Variants in ADAP1 observed in about 807,000 individuals in gnomAD.
ADAP1 encodes ArfGAP with dual PH domains 1.
A neutral mutation model predicts 54.9 loss-of-function variants in ADAP1; 31 were observed. The observed-to-expected ratio is 0.56, with a 90% CI of 0.42 to 0.76. The LOEUF is 0.76. ADAP1 is among the 30% of genes least tolerant of loss of function. The pLI, the probability that ADAP1 is intolerant of heterozygous loss-of-function variation, is 0.00. For synonymous variants in ADAP1, 313 were observed against 202.6 expected, an observed-to-expected ratio of 1.55 and a Z score of -4.63; for missense variants, 535 against 512.4, an observed-to-expected ratio of 1.04 and a Z score of -0.42.
At chr7:901,247 C>A in intron 6 of ADAP1, 1 of 353,840 alleles carries the variant, frequency 2.8e-6, no homozygotes, top group Non-Finnish European at 5.6e-6. Context: ...AGACTTCAGC[C>A]TGGCTGTCCC....
At chr7:924,558 A>C (rs1846318132) in intron 3 of ADAP1, among the ~76,000 whole-genome samples, 1 of 128,972 alleles carries the variant, frequency 7.8e-6, no homozygotes, top group South Asian at 2.7e-4. Context: ...CTCCAGGTCC[A>C]CGCTGCACCC....
At chr7:929,716 G>C (rs1029298904) in intron 2 of ADAP1, among the ~76,000 whole-genome samples, 6 of 152,064 alleles carry the variant, frequency 3.9e-5, no homozygotes, top group Non-Finnish European at 8.8e-5. Context: ...GGTGATGGTC[G>C]TGCAGCCCTG....
rs539725729 is a variant in ADAP1, at chr7:936,809, G to C, written c.83-1304C>G. On this transcript the variant is annotated intron_variant, in intron 1 of 10. Transcript: ENST00000265846. ...TTCCCCACAAGCAGGTGCGGCTGTG[G>C]ACCCAAGCCTGTTTGGGGAATCATG... Among the ~76,000 whole-genome samples the C allele has an allele frequency of 4.7e-3, 710 of 152,354 alleles. 5 individuals are homozygous for C. The highest frequency in any genetic ancestry group is 0.02 in the Middle Eastern group (6 of 294).
At chr7:907,846 G>C (rs1042159611) in intron 4 of ADAP1, among the ~76,000 whole-genome samples, 3 of 152,124 alleles carry the variant, frequency 2.0e-5, no homozygotes, top group African/African-American at 7.2e-5. Flanking sequence ...GGATCACGGG[G>C]CCGTCTGCCA....
At chr7:899,681 T>C (rs545646732) in intron 8 of ADAP1, among the ~76,000 whole-genome samples, 191 bp from the exon 9 acceptor site, 30 of 151,914 alleles carry the variant, frequency 2.0e-4, no homozygotes, top group African/African-American at 7.0e-4. Context: ...ACACGGCACC[T>C]CCCTCCTGCT....
chr7:900,395 G>A lies in ADAP1; in HGVS notation c.732+138C>T, dbSNP rs112692414. 1,518 of 1,030,606 alleles carry A rather than the reference G, an allele frequency of 1.5e-3. 11 individuals are homozygous for A. Among genetic ancestry groups the A allele is most frequent in the Middle Eastern group, 7.7e-3 (25 of 3,262 alleles). 63.8% of individuals were successfully genotyped at this position (1,030,606 alleles called of 1,614,324 possible). A position where few individuals can be genotyped will look rare whatever the true frequency, so the allele number is the denominator to read the frequency against. On this transcript the variant is annotated intron_variant, in intron 7 of 10. Transcript: ENST00000265846. Reference sequence around the variant, plus strand: ...AGTGAGGCAGGAGGGCTGCAGGCACGTCAGGGTGAGCCCTTGGCCAGTCCC... The same window carrying A: ...AGTGAGGCAGGAGGGCTGCAGGCACATCAGGGTGAGCCCTTGGCCAGTCCC...
rs373468430 is a variant in ADAP1, at chr7:898,899, C to T, written c.*22G>A. On this transcript the variant is annotated 3_prime_UTR_variant, in exon 11 of 11. Coordinates refer to ENST00000265846, the MANE Select transcript of ADAP1 (RefSeq NM_006869.4). ...GTCCAGCCACAGTGAGTCCAATGTC[C>T]GTGGTCCTCCAGCCGCACTCGCTAA... 101 of 1,588,192 alleles carry T rather than the reference C, an allele frequency of 6.4e-5. 1 individual carries two copies. The highest frequency in any genetic ancestry group is 2.8e-4 in the South Asian group (25 of 87,848).
rs116552262 is a variant in ADAP1 at position 919,616 on chromosome 7, G to A, written c.388+352C>T. On this transcript the variant is annotated intron_variant, in intron 4 of 10. Coordinates refer to ENST00000265846, the MANE Select transcript of ADAP1 (RefSeq NM_006869.4). ...AGAGGAAGAGAGACAGAGAATGAGAGACAGACATGAAGAGAGAGTAAGAGA... is the reference window on the plus strand; with the variant it reads ...AGAGGAAGAGAGACAGAGAATGAGAAACAGACATGAAGAGAGAGTAAGAGA... 6.6e-3 allele frequency among the ~76,000 whole-genome samples: 911 copies of A among 138,270 alleles called. 10 individuals are homozygous for A. Among genetic ancestry groups the A allele is most frequent in the Middle Eastern group, 0.041 (11 of 268 alleles). 90.7% of individuals were successfully genotyped at this position (138,270 alleles called of 152,430 possible). A position where few individuals can be genotyped will look rare whatever the true frequency, so the allele number is the denominator to read the frequency against.
At chr7:935,805 G>GCCCA (rs927477451) in intron 1 of ADAP1, among the ~76,000 whole-genome samples, 3 of 152,150 alleles carry the variant, frequency 2.0e-5, no homozygotes, top group African/African-American at 7.2e-5. Flanking sequence ...CCCCACAGGA[G>GCCCA]CCCATGCCCC....
chr7:904,358 C>T (rs192616571), intron 5 of ADAP1, 86 bp from the exon 6 acceptor site: 15,179 of 1,484,674 alleles, frequency 0.01, 107 homozygotes, highest in Middle Eastern at 0.02. Context: ...TGGGTGCTGG[C>T]GGCGCACCTG....
At chr7:905,805 GAGAA>G (rs1562912988) in intron 4 of ADAP1, among the ~76,000 whole-genome samples, 40 of 85,806 alleles carry the variant, frequency 4.7e-4, no homozygotes, top group African/African-American at 1.7e-3. Flanking sequence ...AAGGAGAAAG[GAGAA>G]AGGAGAAGGG....
intron 4 of ADAP1, among the ~76,000 whole-genome samples, chr7:909,205 A>G: frequency 1.4e-5 from 1 of 71,726 alleles, no homozygotes; most frequent in African/African-American, 5.8e-5. Flanking sequence ...TCCCGACAGC[A>G]GGCGCCAGCG....
Sources: allele counts gnomAD v4.1 joint callset (sites outside exome capture counted in the v4.1 genomes callset), GRCh38; gene constraint gnomAD v4.1.1; transcripts MANE v1.5; gene names NCBI Gene and HGNC (gene_info 2026-07-23, HGNC 2026-07-21).